TRIP12: variants seen among roughly 807,000 people sequenced by gnomAD.
The protein encoded by TRIP12 is E3 ubiquitin-protein ligase TRIP12.
In TRIP12, 25 loss-of-function variants were observed where a neutral mutation model predicts 244.2. The observed-to-expected ratio is 0.10, with a 90% CI of 0.07 to 0.14. The LOEUF (loss-of-function observed/expected upper bound fraction) is 0.14. Among genes scored for constraint, TRIP12 ranks in the 10% least tolerant of loss-of-function variants. TRIP12 has a pLI of 1.00. For missense variants in TRIP12, 1,677 were observed against 2,486.4 expected (o/e 0.67, Z 6.92); for synonymous variants, 905 against 873.1 (o/e 1.04, Z -0.64).
rs1241580654 is a variant in TRIP12 at position 229,858,617 on chromosome 2, T to C, written c.1027+155A>G. ...CAAAACTAAATGTAGTAGCACTTAC[T>C]ACATGCTGTTATGTACTTAATTACA... is the stretch of plus-strand genomic sequence containing the variant. On this transcript the variant is annotated intron_variant, in intron 4 of 41. Transcript: ENST00000675903. 2.0e-5 allele frequency among the ~76,000 whole-genome samples: 3 copies of C among 152,238 alleles called. No individual in the cohort carries two copies. The East Asian group carries it at 5.8e-4, about 29-fold the overall frequency.
chr2:229,896,325 G>C (rs1258595483), intron 1 of TRIP12, among the ~76,000 whole-genome samples: 1 of 152,076 alleles, frequency 6.6e-6, no homozygotes, highest in African/African-American at 2.4e-5. Flanking sequence ...GCAGAGACTA[G>C]AATCATCTCT....
At chr2:229,821,512 G>A (rs1436685442) in intron 8 of TRIP12, among the ~76,000 whole-genome samples, 2 of 152,278 alleles carry the variant, frequency 1.3e-5, no homozygotes, top group African/African-American at 4.8e-5. Flanking sequence ...TAGCTGGAAA[G>A]TATCCATAGA....
upstream of TRIP12, chr2:229,922,541 T>A (rs765923907): frequency 1.9e-6 from 3 of 1,614,000 alleles, no homozygotes; most frequent in Non-Finnish European, 2.5e-6. Flanking sequence ...GGAGACTCTC[T>A]TTGAAACTGT....
chr2:229,768,032 G>A (rs2032473912), intron 41 of TRIP12, among the ~76,000 whole-genome samples: 1 of 152,178 alleles, frequency 6.6e-6, no homozygotes, highest in African/African-American at 2.4e-5. Flanking sequence ...GGGAGGCCGA[G>A]GTGAGCCAGT....
intron 8 of TRIP12, among the ~76,000 whole-genome samples, chr2:229,822,101 C>T (rs2050214806): frequency 6.6e-6 from 1 of 152,200 alleles, no homozygotes; most frequent in South Asian, 2.1e-4. Context: ...GTTCACGTCG[C>T]TGCACTCCAG....
chr2:229,877,582 G>GA (rs980229473), intron 2 of TRIP12, among the ~76,000 whole-genome samples: 1 of 152,072 alleles, frequency 6.6e-6, no homozygotes, highest in Non-Finnish European at 1.5e-5. Context: ...CTGATATATA[G>GA]AAAAAATGAC....
intron 1 of TRIP12, among the ~76,000 whole-genome samples, chr2:229,905,265 A>T (rs535266390): frequency 6.7e-6 from 1 of 148,890 alleles, no homozygotes; most frequent in African/African-American, 2.5e-5. Context: ...CAAGAGCAAA[A>T]CTCCGTCTCA....
Position 229,880,075 on chromosome 2 carries a change from G to A in TRIP12, c.5C>T (p.Ser2Phe). The A allele has an allele frequency of 6.2e-7, 1 of 1,613,956 alleles. No individual in the cohort carries two copies. The highest frequency in any genetic ancestry group is 8.5e-7 in the Non-Finnish European group (1 of 1,179,978). The change falls in exon 2 of 42, where the codon TCC (serine) becomes TTC (phenylalanine). Residue 2 changes from serine to phenylalanine, a missense_variant. By Grantham distance (155) the Ser-to-Phe change is radical. Transcript: ENST00000675903. ...CCCTGGATTGTTATTAGGCCGGTTG[G>A]ACATTGGCACCTCTCTCTTGAAGGG... Reference protein sequence around the residue: MSNRPNNNPGGS... With the variant: MFNRPNNNPGGS...
Position 229,792,178 on chromosome 2 carries a change from G to A in TRIP12, c.4190C>T (p.Ser1397Leu). ...CAGAGACTCATCTATTTCCTCATCTGATCCATCGTCATCGCTGTCTTCATC... is the reference window on the plus strand; with the variant it reads ...CAGAGACTCATCTATTTCCTCATCTAATCCATCGTCATCGCTGTCTTCATC... ...EDDEDSDDDG[S>L]DEEIDESLAA... The change falls in exon 28 of 42, where the codon TCA becomes TTA. Residue 1397 changes from serine (S) to leucine (L), a missense_variant. Around this residue, in one of 11 missense-constraint regions of TRIP12, gnomAD observed 265 missense variants for 370.8 expected, o/e 0.71. Coordinates refer to ENST00000675903, the MANE Select transcript of TRIP12 (RefSeq NM_001348323.3). 1 of 1,613,880 alleles carries A rather than the reference G, an allele frequency of 6.2e-7. No homozygotes were observed. Among genetic ancestry groups the A allele is most frequent in the Non-Finnish European group, 8.5e-7 (1 of 1,179,930 alleles).
At chr2:229,896,616 A>C (rs973612194) in intron 1 of TRIP12, among the ~76,000 whole-genome samples, 3 of 152,204 alleles carry the variant, frequency 2.0e-5, no homozygotes, top group African/African-American at 7.2e-5. Context: ...CGTCTCAAAA[A>C]TAATAAAATA....
At chr2:229,801,087 G>A (rs895431529) in intron 21 of TRIP12, among the ~76,000 whole-genome samples, 1 of 152,140 alleles carries the variant, frequency 6.6e-6, no homozygotes, top group African/African-American at 2.4e-5. Context: ...CAGCTAGTGG[G>A]TAGGAATGGG....
chr2:229,792,976 T>G lies in TRIP12; in HGVS notation c.4138A>C (p.Arg1380=). 1 of 1,610,296 alleles carries G rather than the reference T, an allele frequency of 6.2e-7. No homozygotes were observed. Among genetic ancestry groups the G allele is most frequent in the East Asian group, 2.2e-5 (1 of 44,842 alleles). The change falls in exon 27 of 42, where the codon AGA becomes CGA. Residue 1380 remains arginine (R), a synonymous_variant. Coordinates refer to ENST00000675903, the MANE Select transcript of TRIP12 (RefSeq NM_001348323.3). ...GAAACAAATATATGGAAAGTACCTC[T>G]AACTACAAGGTATCTCTCGATGGCT... ...VQAIERYLVV[R]GYGRVREDDE...
chr2:229,916,963 A>C (rs2075537576), intron 1 of TRIP12, among the ~76,000 whole-genome samples: 1 of 152,182 alleles, frequency 6.6e-6, no homozygotes, highest in Non-Finnish European at 1.5e-5. Context: ...GAAACCCAGC[A>C]GAGAGGTAGA....
At position 229,804,078 on chromosome 2, in the gene TRIP12, G is replaced by C; in HGVS notation, c.2800C>G (p.Leu934Val). 1 of 1,614,006 alleles carries C rather than the reference G, an allele frequency of 6.2e-7. No homozygotes were observed. The highest frequency in any genetic ancestry group is 8.5e-7 in the Non-Finnish European group (1 of 1,179,988). ...SAGPAVRHKCLRAILRIIYFA... is the reference protein window; with the variant it reads ...SAGPAVRHKCVRAILRIIYFA... ...TAAATTATCCTAAGAATTGCTCTAA[G>C]GCACTTATGTCTGACCGCAGGTCCT... The change falls in exon 19 of 42, where the codon CTT (leucine) becomes GTT (valine). Residue 934 changes from leucine to valine, a missense_variant. Around this residue, in one of 11 missense-constraint regions of TRIP12, gnomAD observed 572 missense variants for 867.8 expected, o/e 0.66. Coordinates refer to ENST00000675903, the MANE Select transcript of TRIP12 (RefSeq NM_001348323.3).
chr2:229,902,586 A>G (rs1397199126), intron 1 of TRIP12, among the ~76,000 whole-genome samples: 1 of 152,208 alleles, frequency 6.6e-6, no homozygotes, highest in Non-Finnish European at 1.5e-5. Context: ...GTGCTAATAA[A>G]CATATTACTG....
At chr2:229,902,796 C>A (rs2071359327) in intron 1 of TRIP12, among the ~76,000 whole-genome samples, 1 of 152,144 alleles carries the variant, frequency 6.6e-6, no homozygotes, top group African/African-American at 2.4e-5. Flanking sequence ...CCAAAACTTT[C>A]AAATGAAACA....
intron 1 of TRIP12, among the ~76,000 whole-genome samples, chr2:229,916,256 A>G (rs892687807): frequency 3.9e-5 from 6 of 152,272 alleles, no homozygotes; most frequent in Non-Finnish European, 8.8e-5. Flanking sequence ...CCAAGGTTAC[A>G]AAGATGGGAA....
intron 17 of TRIP12, 198 bp from the exon 18 acceptor site, chr2:229,806,081 A>G: frequency 2.3e-6 from 1 of 442,798 alleles, no homozygotes. Flanking sequence ...AATTAGACAT[A>G]GGTTACATGC....
At position 229,915,442 on chromosome 2, in the gene TRIP12, A is replaced by T. The variant is rs150459564; in HGVS notation, c.-50+6438T>A. On this transcript the variant is annotated intron_variant, in intron 1 of 41. Transcript: ENST00000675903. ...CATTTTAGCATTAACGATGCAAAAT[A>T]AGAATCAAAATTTTAAAAATAGGAC... 2.0e-3 allele frequency among the ~76,000 whole-genome samples: 305 copies of T among 152,352 alleles called. 2 individuals are homozygous for T. Among genetic ancestry groups the T allele is most frequent in the African/African-American group, 7.0e-3 (291 of 41,582 alleles).
Sources: gnomAD v4.1 joint callset for allele counts (sites outside exome capture counted in the v4.1 genomes callset) on GRCh38, gnomAD v4.1.1 for gene constraint, gnomAD v4.1.1 regional missense constraint, MANE v1.5 for transcripts, NCBI Gene and HGNC (gene_info 2026-07-23, HGNC 2026-07-21) for gene names.